The following NGEF variants were observed in gnomAD, a reference collection of about 807,000 sequenced individuals.
NGEF encodes ephexin-1.
Under a neutral mutation model 80.9 loss-of-function variants are expected in NGEF, and 31 were observed. The ratio of observed to expected loss-of-function variants is 0.38; its 90% CI spans 0.29 to 0.52. The LOEUF (loss-of-function observed/expected upper bound fraction) is 0.52. Among genes scored for constraint, NGEF ranks in the 20% least tolerant of loss-of-function variants. The pLI is 0.84. For synonymous variants in NGEF, 371 were observed against 370.2 expected (o/e 1.00, Z -0.03); for missense variants, 709 against 926.2 (o/e 0.77, Z 3.04).
At chr2:232,971,328 G>A (rs73995748) in intron 2 of NGEF, among the ~76,000 whole-genome samples, 17,464 of 152,144 alleles carry the variant, frequency 0.11, 1,059 homozygotes, top group African/African-American at 0.13. Context: ...TCTTGGATCA[G>A]GAAGTACTGA....
At chr2:232,986,339 AC>A (rs1303344360) in intron 1 of NGEF, among the ~76,000 whole-genome samples, 1 of 152,216 alleles carries the variant, frequency 6.6e-6, no homozygotes, top group African/African-American at 2.4e-5. Flanking sequence ...CTACCATGTG[AC>A]CCAGCAACCC....
At chr2:232,938,035 A>G (rs1693362576) in intron 3 of NGEF, among the ~76,000 whole-genome samples, 1 of 152,118 alleles carries the variant, frequency 6.6e-6, no homozygotes, top group Non-Finnish European at 1.5e-5. Context: ...GGATCAGGAG[A>G]CACCTACAAA....
intron 1 of NGEF, among the ~76,000 whole-genome samples, chr2:233,009,168 T>C (rs1479664300): frequency 6.6e-6 from 1 of 152,176 alleles, no homozygotes; most frequent in Non-Finnish European, 1.5e-5. Flanking sequence ...CCTTCATCCC[T>C]GCGTCCCTGC....
At chr2:232,965,849 C>T (rs1484777394) in intron 3 of NGEF, among the ~76,000 whole-genome samples, 2 of 152,006 alleles carry the variant, frequency 1.3e-5, no homozygotes, top group Non-Finnish European at 2.9e-5. Flanking sequence ...ACTGTGCTTA[C>T]TAAGCCACCA....
At chr2:232,881,568 C>T (rs1049151412) in intron 13 of NGEF, among the ~76,000 whole-genome samples, 1 of 152,116 alleles carries the variant, frequency 6.6e-6, no homozygotes, top group Non-Finnish European at 1.5e-5. Flanking sequence ...GGGTTAGCAG[C>T]TTCTCCATAA....
At chr2:232,919,399 G>A (rs1024406828) in intron 5 of NGEF, among the ~76,000 whole-genome samples, 1 of 152,082 alleles carries the variant, frequency 6.6e-6, no homozygotes, top group Admixed American at 6.5e-5. Flanking sequence ...GGACACAAAT[G>A]ATGGAACTGG....
At chr2:232,928,108 G>C (rs1291320003) in intron 3 of NGEF, 3 of 1,044,112 alleles carry the variant, frequency 2.9e-6, no homozygotes. Flanking sequence ...AGCGCGCGCG[G>C]CTCGACCGGA....
chr2:232,906,891 A>C lies in NGEF; in HGVS notation c.829-11975T>G, dbSNP rs370894931. On this transcript the variant is annotated intron_variant, in intron 5 of 14. Transcript: ENST00000264051. ...TGATCTATGACCTTACCCCCAACCCAGTGCTCTCTGAAACATGTGCTGTGT... is the reference window on the plus strand; with the variant it reads ...TGATCTATGACCTTACCCCCAACCCCGTGCTCTCTGAAACATGTGCTGTGT... Among the ~76,000 whole-genome samples the C allele has an allele frequency of 9.9e-3, 1,486 of 149,822 alleles. 7 individuals are homozygous for C. The highest frequency in any genetic ancestry group is 0.015 in the Non-Finnish European group (1,012 of 67,712).
intron 10 of NGEF, among the ~76,000 whole-genome samples, chr2:232,884,618 G>GA (rs1480203963): frequency 1.3e-5 from 2 of 152,152 alleles, no homozygotes; most frequent in Non-Finnish European, 2.9e-5. Flanking sequence ...GAAAGAATGG[G>GA]ACCCGCGGGG....
intron 5 of NGEF, among the ~76,000 whole-genome samples, chr2:232,899,041 G>C (rs1559198447): frequency 6.6e-6 from 1 of 151,726 alleles, no homozygotes; most frequent in East Asian, 1.9e-4. Flanking sequence ...TATGAGGGTG[G>C]GTGTGGATGT....
intron 2 of NGEF, among the ~76,000 whole-genome samples, chr2:232,973,526 G>T (rs919241374): frequency 6.6e-6 from 1 of 152,182 alleles, no homozygotes; most frequent in Non-Finnish European, 1.5e-5. Flanking sequence ...CTGAGTCTCC[G>T]TCTAGGCCTC....
intron 1 of NGEF, among the ~76,000 whole-genome samples, chr2:232,999,946 G>T (rs1328880104): frequency 6.6e-6 from 1 of 152,208 alleles, no homozygotes; most frequent in Non-Finnish European, 1.5e-5. Flanking sequence ...ACTAATATTG[G>T]TGTCTTAGTC....
At position 232,953,061 on chromosome 2, in the gene NGEF, TG is replaced by T. The variant is rs1203198914; in HGVS notation, c.383+17152del. ...GCTCACGCCTGTAATCCCAGCACTT[TG>T]GGAGGCCAAGGTGGGCAGATCACGA... On this transcript the variant is annotated intron_variant, in intron 3 of 14. Coordinates refer to ENST00000264051, the MANE Select transcript of NGEF (RefSeq NM_019850.3). Among the ~76,000 whole-genome samples the T allele has an allele frequency of 8.0e-5, 12 of 149,386 alleles. No homozygotes were observed. In the East Asian group the frequency reaches 1.6e-3, roughly 20 times the overall value.
intron 3 of NGEF, among the ~76,000 whole-genome samples, chr2:232,962,906 G>T (rs1398328744): frequency 1.3e-5 from 2 of 151,828 alleles, no homozygotes; most frequent in Non-Finnish European, 2.9e-5. Flanking sequence ...TATACAATAT[G>T]TTGTTTTGAA....
At chr2:233,006,775 C>A (rs1188948836) in intron 1 of NGEF, among the ~76,000 whole-genome samples, 1 of 152,138 alleles carries the variant, frequency 6.6e-6, no homozygotes, top group Non-Finnish European at 1.5e-5. Flanking sequence ...TGTCCTATTT[C>A]TTTCACTTTT....
intron 14 of NGEF, 38 bp from the exon 15 acceptor site, chr2:232,879,717 T>TGCAG: frequency 6.3e-7 from 1 of 1,586,892 alleles, no homozygotes; most frequent in Non-Finnish European, 8.6e-7. Context: ...TCAGTGCTCC[T>TGCAG]GCAGGGCACA....
At chr2:232,977,513 G>A (rs899274560) in intron 1 of NGEF, among the ~76,000 whole-genome samples, 3 of 152,200 alleles carry the variant, frequency 2.0e-5, no homozygotes, top group Non-Finnish European at 4.4e-5. Context: ...CGCTGGCATT[G>A]CCTTCTCTCT....
At chr2:232,943,906 C>T (rs1357573302) in intron 3 of NGEF, among the ~76,000 whole-genome samples, 1 of 152,002 alleles carries the variant, frequency 6.6e-6, no homozygotes, top group Non-Finnish European at 1.5e-5. Flanking sequence ...TATCCAACCT[C>T]ATAGAGAAGG....
chr2:232,996,178 A>G (rs1694841300), intron 1 of NGEF, among the ~76,000 whole-genome samples: 1 of 152,102 alleles, frequency 6.6e-6, no homozygotes, highest in East Asian at 1.9e-4. Flanking sequence ...AAATACAAAA[A>G]TTAGCCGGGT....
Sources: allele counts gnomAD v4.1 joint callset (sites outside exome capture counted in the v4.1 genomes callset), GRCh38; gene constraint gnomAD v4.1.1; transcripts MANE v1.5; gene names NCBI Gene and HGNC (gene_info 2026-07-23, HGNC 2026-07-21).